PIEZO2: variants seen among roughly 807,000 people sequenced by gnomAD.
PIEZO2 encodes the protein piezo type mechanosensitive ion channel component 2.
Under a neutral mutation model 337.3 loss-of-function variants are expected in PIEZO2, and 172 were observed. The observed-to-expected ratio is 0.51, with a 90% confidence interval of 0.45 to 0.58. The LOEUF (loss-of-function observed/expected upper bound fraction) is 0.58, where lower values mean the gene tolerates loss of function less well. PIEZO2 is among the 20% of genes least tolerant of loss of function. The pLI is 0.00. For synonymous variants in PIEZO2, 1,251 were observed against 1,228.5 expected (o/e 1.02, Z -0.38); for missense variants, 3,028 against 3,391.3 (o/e 0.89, Z 2.66).
In PIEZO2 at chr18:10,839,726, T is replaced by C. The variant is rs189233659; in HGVS notation, c.917+15627A>G. The stretch of plus-strand genomic sequence containing the variant: ...GGCTTTCTGCACTTGCATTTTAATC[T>C]ATAGCAAGGACACTAAAGATAAGCC... On this transcript the variant is annotated intron_variant, in intron 7 of 55. Coordinates refer to ENST00000674853, the MANE Select transcript of PIEZO2 (RefSeq NM_001378183.1). 9.1e-4 allele frequency among the ~76,000 whole-genome samples: 138 copies of C among 152,320 alleles called. 1 individual carries two copies. Among genetic ancestry groups the C allele is most frequent in the African/African-American group, 2.8e-3 (117 of 41,564 alleles).
chr18:10,934,814 T>C (rs1202917423), intron 3 of PIEZO2, among the ~76,000 whole-genome samples: 1 of 152,206 alleles, frequency 6.6e-6, no homozygotes, highest in Non-Finnish European at 1.5e-5. Context: ...TTTGTTAAAT[T>C]GTAACTTACC....
chr18:11,074,794 T>C (rs530755387), intron 1 of PIEZO2, among the ~76,000 whole-genome samples: 45 of 152,352 alleles, frequency 3.0e-4, no homozygotes, highest in South Asian at 6.2e-4. Flanking sequence ...GCAATAGATA[T>C]AGAATAATTT....
At chr18:10,950,760 A>C (rs1395610) in intron 3 of PIEZO2, among the ~76,000 whole-genome samples, 64,356 of 151,878 alleles carry the variant, frequency 0.42, 14,471 homozygotes, top group Non-Finnish European at 0.51. Flanking sequence ...GCTTCCTCGT[A>C]CCGGCCTTAC....
intron 20 of PIEZO2, among the ~76,000 whole-genome samples, chr18:10,771,312 T>C (rs1213773009): frequency 6.6e-6 from 1 of 152,266 alleles, no homozygotes; most frequent in South Asian, 2.1e-4. Flanking sequence ...CGTGGTTTTC[T>C]GAAACATGGT....
At chr18:10,763,392 G>A in intron 21 of PIEZO2, 1 of 336,424 alleles carries the variant, frequency 3.0e-6, no homozygotes, top group Non-Finnish European at 5.4e-6. Context: ...GCGCCCAGAA[G>A]GGTCCTTGGT....
rs570355824 is a variant in PIEZO2 at position 10,762,447 on chromosome 18, G to T, written c.3249+53C>A. On this transcript the variant is annotated intron_variant, in intron 23 of 55. Transcript: ENST00000674853. The stretch of plus-strand genomic sequence containing the variant: ...TAAGCGTCTCATGGAAAAGAATCCT[G>T]AACTATTATATAACGGAGTGGAGGC... 5.6e-5 allele frequency: 85 copies of T among 1,512,078 alleles called. No homozygotes were observed. In the Admixed American group the frequency reaches 1.6e-3, roughly 28 times the overall value. 93.7% of individuals were successfully genotyped at this position (1,512,078 alleles called of 1,614,324 possible). A position where few individuals can be genotyped will look rare whatever the true frequency, so the allele number is the denominator to read the frequency against.
chr18:10,806,688 A>G (rs2040013085), intron 8 of PIEZO2, among the ~76,000 whole-genome samples: 1 of 152,176 alleles, frequency 6.6e-6, no homozygotes, highest in Non-Finnish European at 1.5e-5. Flanking sequence ...TGTGGATTAG[A>G]ATCTGATTTG....
intron 47 of PIEZO2, 53 bp from the exon 48 acceptor site, chr18:10,691,436 A>C: frequency 6.4e-7 from 1 of 1,561,656 alleles, no homozygotes; most frequent in South Asian, 1.2e-5. Context: ...TCTGAAACAA[A>C]AGGATGGCAG....
In PIEZO2 at chr18:10,716,864, G is replaced by C. The variant is rs1189342612; in HGVS notation, c.5090-1048C>G. On this transcript the variant is annotated intron_variant, in intron 37 of 55. Coordinates refer to ENST00000674853, the MANE Select transcript of PIEZO2 (RefSeq NM_001378183.1). This position sits in a 1 kb window ranked among gnomAD's most constrained non-coding sequence, Gnocchi z 4.1. Reference sequence around the variant, plus strand: ...TACCCACAATTGTTTTCTTAGAAATGATGAAGGTGAACATTATTACGGCGT... The same window carrying C: ...TACCCACAATTGTTTTCTTAGAAATCATGAAGGTGAACATTATTACGGCGT... Among the ~76,000 whole-genome samples, 4 of 152,168 alleles carry C rather than the reference G, an allele frequency of 2.6e-5. No individual in the cohort carries two copies. The highest frequency in any genetic ancestry group is 2.6e-4 in the Admixed American group (4 of 15,280).
chr18:10,844,346 G>A (rs527974572), intron 7 of PIEZO2, among the ~76,000 whole-genome samples: 20 of 152,014 alleles, frequency 1.3e-4, no homozygotes, highest in Admixed American at 5.9e-4. Flanking sequence ...CTTGAATCTC[G>A]GAGGCGGGAG....
At position 10,811,982 on chromosome 18, in the gene PIEZO2, C is replaced by T. The variant is rs962873570; in HGVS notation, c.918-4708G>A. ...CCGAGTAGCTGAGATTACAGGCGCC[C>T]GCCACCACGCCCGGCTAACTTTTTG... On this transcript the variant is annotated intron_variant, in intron 7 of 55. Coordinates refer to ENST00000674853, the MANE Select transcript of PIEZO2 (RefSeq NM_001378183.1). 2.9e-4 allele frequency among the ~76,000 whole-genome samples: 44 copies of T among 152,250 alleles called. 1 individual carries two copies. Among genetic ancestry groups the T allele is most frequent in the South Asian group, 1.5e-3 (7 of 4,814 alleles).
At chr18:10,761,330 T>A (rs1336199698) in intron 23 of PIEZO2, among the ~76,000 whole-genome samples, 4 of 152,192 alleles carry the variant, frequency 2.6e-5, no homozygotes, top group Admixed American at 2.6e-4. Context: ...GGATCTAGAA[T>A]CTCCAAACAT....
intron 20 of PIEZO2, among the ~76,000 whole-genome samples, chr18:10,771,416 C>T (rs1022977642): frequency 1.3e-5 from 2 of 152,222 alleles, no homozygotes; most frequent in African/African-American, 4.8e-5. Context: ...TCTAGAAGGA[C>T]TATGCTGGCT....
At chr18:10,798,680 G>A (rs6505598) in intron 11 of PIEZO2, among the ~76,000 whole-genome samples, 1 of 152,030 alleles carries the variant, frequency 6.6e-6, no homozygotes, top group South Asian at 2.1e-4. Flanking sequence ...GTGTCAGCAC[G>A]CAAAATTCAA....
At chr18:11,049,608 T>C (rs1014049324) in intron 2 of PIEZO2, among the ~76,000 whole-genome samples, 2 of 152,188 alleles carry the variant, frequency 1.3e-5, no homozygotes, top group African/African-American at 4.8e-5. Flanking sequence ...TTCCCACATG[T>C]TGTGGGAGGG....
intron 15 of PIEZO2, among the ~76,000 whole-genome samples, chr18:10,788,506 A>ATT (rs111358533): frequency 3.3e-5 from 5 of 149,774 alleles, no homozygotes; most frequent in Admixed American, 2.0e-4. Flanking sequence ...AATTTTACAG[A>ATT]TTTTTTTTGA....
chr18:10,741,223 G>T, intron 32 of PIEZO2, 121 bp from the exon 33 acceptor site: 2 of 792,084 alleles, frequency 2.5e-6, no homozygotes, highest in Non-Finnish European at 3.9e-6. Context: ...CAGAGGTCAG[G>T]TAAAGGAACT....
At chr18:10,936,967 G>A (rs1362888373) in intron 3 of PIEZO2, among the ~76,000 whole-genome samples, 2 of 152,148 alleles carry the variant, frequency 1.3e-5, no homozygotes, top group Non-Finnish European at 2.9e-5. Context: ...TACGGTCCTG[G>A]AGATCTGGGA....
In PIEZO2 at chr18:11,146,147, TC is replaced by T; in HGVS notation, c.64+2377del. On this transcript the variant is annotated intron_variant, in intron 1 of 55. Transcript: ENST00000674853. The surrounding 1 kb of genome is among the most constrained non-coding windows in gnomAD (Gnocchi z 6.1). ...CCCTGAACCCAGAGAGGTGTGGGAGTCCTGAAGAATGAGCTGGATAAAGAAG... is the reference window on the plus strand; with the variant it reads ...CCCTGAACCCAGAGAGGTGTGGGAGTCTGAAGAATGAGCTGGATAAAGAAG... Among the ~76,000 whole-genome samples, 1 of 151,350 alleles carries T rather than the reference TC, an allele frequency of 6.6e-6. No individual in the cohort carries two copies. Among genetic ancestry groups the T allele is most frequent in the East Asian group, 1.9e-4 (1 of 5,130 alleles).
Sources: allele counts gnomAD v4.1 joint callset (sites outside exome capture counted in the v4.1 genomes callset), GRCh38; gene constraint gnomAD v4.1.1; non-coding constraint Gnocchi (gnomAD v3.1); transcripts MANE v1.5; gene names NCBI Gene and HGNC (gene_info 2026-07-23, HGNC 2026-07-21).